DSCAML1: variants seen among roughly 807,000 people sequenced by gnomAD.
DSCAML1 encodes the protein cell adhesion molecule DSCAML1.
In DSCAML1, 38 loss-of-function variants were observed where a neutral mutation model predicts 200.5. That is an observed-to-expected ratio of 0.19 (90% CI 0.15 to 0.25). The LOEUF is 0.25. Ranked by LOEUF, DSCAML1 falls within the 10% of genes least tolerant of loss-of-function variation. DSCAML1 has a pLI of 1.00. For missense variants in DSCAML1, 2,223 were observed against 2,858.8 expected (o/e 0.78, Z 5.07); for synonymous variants, 1,215 against 1,165.0 (o/e 1.04, Z -0.87).
At chr11:117,567,301 G>C (rs947396889) in intron 3 of DSCAML1, among the ~76,000 whole-genome samples, 6 of 151,998 alleles carry the variant, frequency 3.9e-5, no homozygotes, top group African/African-American at 1.4e-4. Flanking sequence ...TCTCATTGTG[G>C]TTTTGATTTG....
intron 3 of DSCAML1, among the ~76,000 whole-genome samples, chr11:117,745,787 A>G (rs554502753): frequency 6.6e-6 from 1 of 152,308 alleles, no homozygotes; most frequent in South Asian, 2.1e-4. Flanking sequence ...CTGGTAGGTG[A>G]CTGTAAGCAA....
chr11:117,664,875 C>T (rs1423952190), intron 3 of DSCAML1, among the ~76,000 whole-genome samples: 1 of 152,214 alleles, frequency 6.6e-6, no homozygotes, highest in African/African-American at 2.4e-5. Context: ...CAAGCAGCTA[C>T]CTTGTCCCTT....
chr11:117,439,272 C>T lies in DSCAML1; in HGVS notation c.4138G>A (p.Val1380Met). 1 of 1,614,004 alleles carries T rather than the reference C, an allele frequency of 6.2e-7. No homozygotes were observed. The highest frequency in any genetic ancestry group is 8.5e-7 in the Non-Finnish European group (1 of 1,179,932). The change falls in exon 23 of 33, where the codon GTG (valine) becomes ATG (methionine). Residue 1380 changes from valine to methionine, a missense_variant. This residue lies in a region of DSCAML1 where 614 missense variants were observed against 739.1 expected (regional missense o/e 0.83). Coordinates refer to ENST00000651296, the MANE Select transcript of DSCAML1 (RefSeq NM_020693.4). ...GFDTIIVNLL[V>M]QVPPDQPRLT... ...CTGCCTCACAGAGCCTCACCTTGCA[C>T]CAGAAGGTTGACGATGATGGTGTCA... is the stretch of plus-strand genomic sequence containing the variant.
rs796254005 is a variant in DSCAML1 at position 117,469,234 on chromosome 11, G to A, written c.3024+676C>T. 1.2e-4 allele frequency among the ~76,000 whole-genome samples: 18 copies of A among 152,308 alleles called. No homozygotes were observed. The highest frequency in any genetic ancestry group is 3.8e-4 in the African/African-American group (16 of 41,564). On this transcript the variant is annotated intron_variant, in intron 16 of 32. Coordinates refer to ENST00000651296, the MANE Select transcript of DSCAML1 (RefSeq NM_020693.4). The surrounding 1 kb of genome is among the most constrained non-coding windows in gnomAD (Gnocchi z 4.1). ...TGAGTTGGTAAAGAGAAAGCACTTGGAGACTGGAGGATGCAGTGAGACAGG... is the reference window on the plus strand; with the variant it reads ...TGAGTTGGTAAAGAGAAAGCACTTGAAGACTGGAGGATGCAGTGAGACAGG...
chr11:117,586,443 T>C (rs1257318431), intron 3 of DSCAML1, among the ~76,000 whole-genome samples: 1 of 152,202 alleles, frequency 6.6e-6, no homozygotes, highest in East Asian at 1.9e-4. Flanking sequence ...ACCAATCTGC[T>C]TCTTAACTTC....
intron 3 of DSCAML1, among the ~76,000 whole-genome samples, chr11:117,753,468 T>C (rs886153778): frequency 6.6e-6 from 1 of 152,240 alleles, no homozygotes; most frequent in African/African-American, 2.4e-5. Flanking sequence ...TAAGTGTTGT[T>C]ATTCTCAATT....
At chr11:117,453,365 G>A (rs2048315947) in intron 19 of DSCAML1, among the ~76,000 whole-genome samples, 1 of 152,190 alleles carries the variant, frequency 6.6e-6, no homozygotes, top group African/African-American at 2.4e-5. Context: ...GCATCATTGA[G>A]CTTCCTCCTA....
chr11:117,554,989 C>T (rs2050535389), intron 3 of DSCAML1, among the ~76,000 whole-genome samples: 2 of 152,244 alleles, frequency 1.3e-5, no homozygotes, highest in African/African-American at 4.8e-5. Context: ...CATCTTCTCA[C>T]ATGATGGCAC....
intron 3 of DSCAML1, among the ~76,000 whole-genome samples, chr11:117,734,776 G>C (rs996226666): frequency 2.6e-5 from 4 of 152,202 alleles, no homozygotes; most frequent in Non-Finnish European, 4.4e-5. Context: ...CAGAGTACAT[G>C]ATGAGTGGGA....
At chr11:117,449,076 T>C (rs2048234784) in intron 20 of DSCAML1, among the ~76,000 whole-genome samples, 1 of 152,108 alleles carries the variant, frequency 6.6e-6, no homozygotes, top group African/African-American at 2.4e-5. Context: ...CGAATGAAAT[T>C]CAGGAATTCA....
chr11:117,514,865 G>A (rs112358126), intron 8 of DSCAML1, among the ~76,000 whole-genome samples: 116 of 152,186 alleles, frequency 7.6e-4, no homozygotes, highest in African/African-American at 2.7e-3. Flanking sequence ...TACAGGCGTG[G>A]GCCACTGCAC....
At chr11:117,757,753 G>A (rs1365578293) in intron 3 of DSCAML1, among the ~76,000 whole-genome samples, 1 of 152,110 alleles carries the variant, frequency 6.6e-6, no homozygotes, top group Non-Finnish European at 1.5e-5. Flanking sequence ...CATTTTGAGA[G>A]GCTGAGGCGG....
At chr11:117,798,785 G>C (rs1158225718), upstream of DSCAML1, among the ~76,000 whole-genome samples, 1 of 152,038 alleles carries the variant, frequency 6.6e-6, no homozygotes, top group Admixed American at 6.6e-5. Context: ...TGAGAAAATC[G>C]GGGCTTAACT....
chr11:117,479,823 A>G (rs751306452), intron 14 of DSCAML1, among the ~76,000 whole-genome samples: 2 of 152,100 alleles, frequency 1.3e-5, no homozygotes, highest in South Asian at 2.1e-4. Flanking sequence ...TAATTTTTGT[A>G]TTTTTAGTAG....
intron 3 of DSCAML1, among the ~76,000 whole-genome samples, chr11:117,570,077 G>A (rs547348588): frequency 7.9e-4 from 120 of 152,198 alleles, no homozygotes; most frequent in African/African-American, 2.8e-3. Flanking sequence ...AAGCAGGAAC[G>A]TGTTGAGCAT....
In DSCAML1 at chr11:117,576,298, G is replaced by A. The variant is rs143293284; in HGVS notation, c.512-43776C>T. ...ATGGATGAGGGGGTTTTTGTCCAGC[G>A]AGGAGGAAGAGCAACTCCCCTTCCC... On this transcript the variant is annotated intron_variant, in intron 3 of 32. Coordinates refer to ENST00000651296, the MANE Select transcript of DSCAML1 (RefSeq NM_020693.4). Among the ~76,000 whole-genome samples, 409 of 152,236 alleles carry A rather than the reference G, an allele frequency of 2.7e-3. 1 individual carries two copies. The highest frequency in any genetic ancestry group is 7.8e-3 in the African/African-American group (322 of 41,532).
At chr11:117,527,174 GATACTA>G (rs1388194630) in intron 4 of DSCAML1, among the ~76,000 whole-genome samples, 2 of 152,118 alleles carry the variant, frequency 1.3e-5, no homozygotes, top group Non-Finnish European at 2.9e-5. Flanking sequence ...AAATAATGAT[GATACTA>G]ATACTAATAC....
intron 8 of DSCAML1, among the ~76,000 whole-genome samples, chr11:117,511,854 G>A (rs1035353163): frequency 1.3e-5 from 2 of 152,250 alleles, no homozygotes; most frequent in African/African-American, 2.4e-5. Context: ...AGTGTGAATG[G>A]GCTAATGTGT....
At chr11:117,761,862 C>A (rs922692646) in intron 3 of DSCAML1, among the ~76,000 whole-genome samples, 1 of 152,170 alleles carries the variant, frequency 6.6e-6, no homozygotes, top group Non-Finnish European at 1.5e-5. Flanking sequence ...TGGAGCCAGA[C>A]CTTGTCTATA....
Sources: gnomAD v4.1 joint callset for allele counts (sites outside exome capture counted in the v4.1 genomes callset) on GRCh38, gnomAD v4.1.1 for gene constraint, gnomAD v4.1.1 regional missense constraint, Gnocchi (gnomAD v3.1) non-coding constraint, MANE v1.5 for transcripts, NCBI Gene and HGNC (gene_info 2026-07-23, HGNC 2026-07-21) for gene names.